NDRG4: variants seen among roughly 807,000 people sequenced by gnomAD.
NDRG4 encodes protein NDRG4.
A neutral mutation model predicts 55.8 loss-of-function variants in NDRG4; 38 were observed. That is an observed-to-expected ratio of 0.68 (90% CI 0.53 to 0.89). NDRG4 has a LOEUF of 0.89. Ranked by LOEUF, NDRG4 falls within the 40% of genes least tolerant of loss-of-function variation. The probability of loss-of-function intolerance (pLI) is 0.00; values close to 1 mark genes in which losing one functional copy is unlikely to be tolerated. For synonymous variants in NDRG4, 190 were observed against 182.7 expected (o/e 1.04, Z -0.32); for missense variants, 455 against 468.6 (o/e 0.97, Z 0.27).
In NDRG4 at chr16:58,503,865, G is replaced by A. The variant is rs200710260; in HGVS notation, c.89G>A (p.Arg30His). The A allele has an allele frequency of 6.5e-5, 105 of 1,613,704 alleles. No homozygotes were observed. Among genetic ancestry groups the A allele is most frequent in the Non-Finnish European group, 8.1e-5 (95 of 1,179,962 alleles). The stretch of plus-strand genomic sequence containing the variant: ...ATCCGGGGCTCCCCCAAGGGGAACC[G>A]CCCAGCCATCCTCACCTACCATGAT... ...VVIRGSPKGN[R>H]PAILTYHDVG... The change falls in exon 2 of 15, where the codon CGC becomes CAC. Residue 30 changes from arginine (R) to histidine (H), a missense_variant. Coordinates refer to ENST00000570248, the MANE Select transcript of NDRG4 (RefSeq NM_001242835.2).
rs753505355 is a variant in NDRG4 at position 58,504,435 on chromosome 16, C to T, written c.311+14C>T. ...GCAGCATTTCGGGTGAGTCCCCGCA[C>T]AGCCCCTGCGCTAGGGCCCAGGGGT... On this transcript the variant is annotated intron_variant, in intron 4 of 14. Transcript: ENST00000570248. 6.2e-7 allele frequency: 1 copy of T among 1,612,434 alleles called. No homozygotes were observed. Among genetic ancestry groups the T allele is most frequent in the Non-Finnish European group, 8.5e-7 (1 of 1,179,982 alleles).
chr16:58,482,496 T>A lies in NDRG4; in HGVS notation c.-23-5260T>A, dbSNP rs74621713. Among the ~76,000 whole-genome samples, 6 of 152,262 alleles carry A rather than the reference T, an allele frequency of 3.9e-5. No individual in the cohort carries two copies. In the East Asian group the frequency reaches 9.7e-4, roughly 25 times the overall value. On this transcript the variant is annotated intron_variant, in intron 1 of 15. Coordinates refer to the NDRG4 transcript ENST00000258187. ...GGGTAGAGTGGGGAGTGATCCTTCA[T>A]GTGTAGCACTGTCCCCACATCGCAT...
chr16:58,495,637 C>T (rs1416791932), upstream of NDRG4: 1 of 152,896 alleles, frequency 6.5e-6, no homozygotes, highest in Non-Finnish European at 1.5e-5. Context: ...CGTGACAGCA[C>T]CAGCCAAGTG....
chr16:58,468,836 G>A (rs556968347), intron 1 of NDRG4, among the ~76,000 whole-genome samples: 7 of 152,238 alleles, frequency 4.6e-5, no homozygotes, highest in Admixed American at 2.0e-4. Flanking sequence ...TTCGGTAGCC[G>A]GATGATTTTT....
At chr16:58,508,312 G>A (rs770095871) in intron 10 of NDRG4, among the ~76,000 whole-genome samples, 2 of 152,192 alleles carry the variant, frequency 1.3e-5, no homozygotes, top group Non-Finnish European at 2.9e-5. Context: ...CAGGGTGTAC[G>A]ATCTTTTTTC....
intron 1 of NDRG4, among the ~76,000 whole-genome samples, chr16:58,502,412 C>T (rs2072303717): frequency 6.6e-6 from 1 of 152,122 alleles, no homozygotes; most frequent in Non-Finnish European, 1.5e-5. Flanking sequence ...TCCTGGAGGA[C>T]AACAGGGAAA....
chr16:58,471,747 G>C (rs543291103), intron 1 of NDRG4, among the ~76,000 whole-genome samples: 3 of 152,276 alleles, frequency 2.0e-5, no homozygotes, highest in Admixed American at 6.5e-5. Flanking sequence ...CAGTTCACCT[G>C]TTGGCGGGGG....
rs962645340 is a variant in NDRG4 at position 58,512,987 on chromosome 16, A to C, written c.*1411A>C. 2.6e-5 allele frequency: 4 copies of C among 152,638 alleles called. No individual in the cohort carries two copies. The highest frequency in any genetic ancestry group is 9.7e-5 in the African/African-American group (4 of 41,434). The allele number at this position is 152,638 out of a possible 1,614,324, so 9.5% of individuals were successfully genotyped here. On this transcript the variant is annotated 3_prime_UTR_variant, in exon 15 of 15. Coordinates refer to ENST00000570248, the MANE Select transcript of NDRG4 (RefSeq NM_001242835.2). ...CCCCCTTCTATAATCTTAAGCCATG[A>C]CTAGCCTGGTGGCGTGTTAGTTTCT...
chr16:58,479,661 C>T (rs771317151), intron 1 of NDRG4, among the ~76,000 whole-genome samples: 4 of 151,962 alleles, frequency 2.6e-5, no homozygotes, highest in African/African-American at 7.2e-5. Context: ...ATGATTCATT[C>T]GTTCATTTAC....
intron 1 of NDRG4, among the ~76,000 whole-genome samples, chr16:58,468,440 G>T (rs1213301361): frequency 2.0e-5 from 3 of 152,270 alleles, no homozygotes; most frequent in East Asian, 3.9e-4. Context: ...ACAGTGTTAG[G>T]CCAGAGCAGT....
intron 1 of NDRG4, among the ~76,000 whole-genome samples, chr16:58,472,743 A>G (rs774026723): frequency 1.1e-4 from 16 of 151,944 alleles, no homozygotes; most frequent in Non-Finnish European, 2.2e-4. Flanking sequence ...GTTGAGCTCT[A>G]AGTCAGGCCC....
At position 58,500,498 on chromosome 16, in the gene NDRG4, T is replaced by TG. The variant is rs1320689519; in HGVS notation, c.21+235dup. The TG allele has an allele frequency of 7.0e-5, 15 of 215,568 alleles. No individual in the cohort carries two copies. The East Asian group carries it at 1.3e-3, about 18-fold the overall frequency. The allele number at this position is 215,568 out of a possible 1,614,324, so 13.4% of individuals were successfully genotyped here. A position where few individuals can be genotyped will look rare whatever the true frequency, so the allele number is the denominator to read the frequency against. On this transcript the variant is annotated intron_variant, in intron 1 of 14. Transcript: ENST00000570248. ...GCTAGTCAGAGCCCATAGCAGGGGC[T>TG]GGGGGGAGCGTGTGGTTGGGGGGTG...
At chr16:58,493,592 A>G (rs116412948) in intron 2 of NDRG4, among the ~76,000 whole-genome samples, 2,772 of 152,262 alleles carry the variant, frequency 0.018, 65 homozygotes, top group African/African-American at 0.063. Flanking sequence ...ATTCCTTAGG[A>G]GGATCTGTAG....
chr16:58,512,647 G>T lies in NDRG4; in HGVS notation c.*1071G>T, dbSNP rs1468183666. On this transcript the variant is annotated 3_prime_UTR_variant, in exon 15 of 15. Transcript: ENST00000570248. Reference sequence around the variant, plus strand: ...ACACCCCATAGCCGCCTGGGCTGGGGCTTACTGGGGGCTGAAGGTTCTGGA... The same window carrying T: ...ACACCCCATAGCCGCCTGGGCTGGGTCTTACTGGGGGCTGAAGGTTCTGGA... The T allele has an allele frequency of 6.4e-6, 1 of 155,912 alleles. No individual in the cohort carries two copies. Among genetic ancestry groups the T allele is most frequent in the East Asian group, 1.9e-4 (1 of 5,216 alleles). The allele number at this position is 155,912 out of a possible 1,614,324, so 9.7% of individuals were successfully genotyped here.
At chr16:58,487,624 T>C in intron 1 of NDRG4, 2 of 605,196 alleles carry the variant, frequency 3.3e-6, no homozygotes, top group Non-Finnish European at 5.4e-6. Flanking sequence ...AGTGCCTGAG[T>C]GGGCTGCGCT....
At chr16:58,506,351 T>C (rs767175306) in intron 5 of NDRG4, 36 bp from the exon 6 acceptor site, 3 of 1,601,620 alleles carry the variant, frequency 1.9e-6, no homozygotes, top group South Asian at 2.2e-5. Flanking sequence ...GCACCCATCC[T>C]GGCCCCGCCC....
chr16:58,491,731 A>T (rs1036480308), intron 2 of NDRG4, among the ~76,000 whole-genome samples: 1 of 152,176 alleles, frequency 6.6e-6, no homozygotes, highest in African/African-American at 2.4e-5. Flanking sequence ...AAGTGCTGGG[A>T]TTACAGGCAT....
Position 58,501,698 on chromosome 16 carries a change from G to GCCCAGC in NDRG4, c.21+1438_21+1443dup, listed in dbSNP as rs540664196. ...GGACAGGTAGCCCGGTGACGCCCAG[G>GCCCAGC]CCCAGCCCCAGCCCTTCCCATCCTG... On this transcript the variant is annotated intron_variant, in intron 1 of 14. Coordinates refer to ENST00000570248, the MANE Select transcript of NDRG4 (RefSeq NM_001242835.2). The GCCCAGC allele has an allele frequency of 2.1e-3, 576 of 273,112 alleles. 4 individuals are homozygous for GCCCAGC. Among genetic ancestry groups the GCCCAGC allele is most frequent in the African/African-American group, 0.011 (516 of 45,440 alleles). The allele number at this position is 273,112 out of a possible 1,614,324, so 16.9% of individuals were successfully genotyped here. A position where few individuals can be genotyped will look rare whatever the true frequency, so the allele number is the denominator to read the frequency against.
chr16:58,501,778 G>A (rs2037151121), intron 1 of NDRG4: 1 of 343,762 alleles, frequency 2.9e-6, no homozygotes, highest in African/African-American at 2.1e-5. Flanking sequence ...TGGGGACAGG[G>A]GCGGCCACAC....
Sources: allele counts gnomAD v4.1 joint callset (sites outside exome capture counted in the v4.1 genomes callset), GRCh38; gene constraint gnomAD v4.1.1; transcripts MANE v1.5; gene names NCBI Gene and HGNC (gene_info 2026-07-23, HGNC 2026-07-21).